The following KLF11 variants were observed in gnomAD, a reference collection of about 807,000 sequenced individuals.
KLF11 encodes the protein Krueppel-like factor 11.
A neutral mutation model predicts 29.9 loss-of-function variants in KLF11; 26 were observed. The observed-to-expected ratio is 0.87, with a 90% CI of 0.64 to 1.21. KLF11 has a LOEUF of 1.21. Among genes scored for constraint, KLF11 ranks in the 50% most tolerant of loss-of-function variants. KLF11 has a pLI of 0.00. For missense variants in KLF11, 778 were observed against 665.7 expected (o/e 1.17, Z -1.86); for synonymous variants, 318 against 257.4 (o/e 1.24, Z -2.25).
At chr2:10,045,823 C>T (rs1242077987) in intron 1 of KLF11, among the ~76,000 whole-genome samples, 3 of 152,258 alleles carry the variant, frequency 2.0e-5, no homozygotes, top group Non-Finnish European at 4.4e-5. Context: ...CTCCTCCCAG[C>T]CACTTTTTGG....
At position 10,054,607 on chromosome 2, in the gene KLF11, G is replaced by C. The variant is rs1052342862; in HGVS notation, c.*2100G>C. Reference sequence around the variant, plus strand: ...TGGATTCGGCATGGAGCCCTCAGCTGGCGGCTCTGGGTGCTGACGGCCGCT... The same window carrying C: ...TGGATTCGGCATGGAGCCCTCAGCTCGCGGCTCTGGGTGCTGACGGCCGCT... On this transcript the variant is annotated 3_prime_UTR_variant, in exon 4 of 4. Coordinates refer to ENST00000305883, the MANE Select transcript of KLF11 (RefSeq NM_003597.5). 6.5e-6 allele frequency: 1 copy of C among 152,688 alleles called. No individual in the cohort carries two copies. Among genetic ancestry groups the C allele is most frequent in the Admixed American group, 6.5e-5 (1 of 15,284 alleles). The allele number at this position is 152,688 out of a possible 1,614,324, so 9.5% of individuals were successfully genotyped here. A position where few individuals can be genotyped will look rare whatever the true frequency, so the allele number is the denominator to read the frequency against.
In KLF11 at chr2:10,046,358, C is replaced by A. The variant is rs753330425; in HGVS notation, c.251C>A (p.Thr84Asn). 1 of 1,614,190 alleles carries A rather than the reference C, an allele frequency of 6.2e-7. No individual in the cohort carries two copies. Among genetic ancestry groups the A allele is most frequent in the Non-Finnish European group, 8.5e-7 (1 of 1,180,036 alleles). Residue 84 changes from threonine to asparagine, a missense_variant, in exon 2 of 4, where the codon ACT becomes AAT. Coordinates refer to ENST00000305883, the MANE Select transcript of KLF11 (RefSeq NM_003597.5). ...TCTGACTCTGGGGATGTCACCACCA[C>A]TGTGCATATGGATGCAGCCACACCT... ...PVSDSGDVTT[T>N]VHMDAATPEL...
chr2:10,043,752 G>A lies in KLF11; in HGVS notation c.36G>A (p.Ala12=). The change falls in exon 1 of 4, where the codon GCG becomes GCA. Residue 12 remains alanine, a synonymous_variant. Transcript: ENST00000305883. ...HTPDFAGPDD[A]RAVDIMDICE... ...CGGACTTCGCAGGCCCAGACGACGC[G>A]CGCGCAGTGAGTGGTGGGGCTGCCG... 7.2e-7 allele frequency: 1 copy of A among 1,381,010 alleles called. No individual in the cohort carries two copies. Among genetic ancestry groups the A allele is most frequent in the Non-Finnish European group, 9.5e-7 (1 of 1,051,632 alleles). 85.5% of individuals were successfully genotyped at this position (1,381,010 alleles called of 1,614,324 possible). A position where few individuals can be genotyped will look rare whatever the true frequency, so the allele number is the denominator to read the frequency against.
At chr2:10,044,440 C>T in intron 1 of KLF11, 4 of 985,528 alleles carry the variant, frequency 4.1e-6, no homozygotes, top group African/African-American at 1.7e-5. Flanking sequence ...CGAGCCCCTT[C>T]CCGCCCGTGT....
Position 10,048,267 on chromosome 2 carries a change from TGTGGGG to T in KLF11, c.931_936del (p.Val311_Gly312del). 1 of 1,608,092 alleles carries T rather than the reference TGTGGGG, an allele frequency of 6.2e-7. No homozygotes were observed. The highest frequency in any genetic ancestry group is 8.5e-7 in the Non-Finnish European group (1 of 1,176,312). ...TTTTGAAGCCCCCTCCCCAGTTGTC[TGTGGGG>T]ACTGTGAGACCCATCCTAGCTCAGG... On this transcript the variant is annotated inframe_deletion, in exon 3 of 4. Transcript: ENST00000305883.
rs761757997 is a variant in KLF11, at chr2:10,052,475, A to G, written c.1507A>G (p.Ser503Gly). 36 of 1,613,922 alleles carry G rather than the reference A, an allele frequency of 2.2e-5. 1 individual carries two copies. In the South Asian group the frequency reaches 3.8e-4, roughly 17 times the overall value. ...NRIASAESPG[S>G]PLVSMPASA The stretch of plus-strand genomic sequence containing the variant: ...AATCGCCTCTGCAGAGAGCCCGGGG[A>G]GCCCACTGGTGAGCATGCCAGCCTC... The change falls in exon 4 of 4, where the codon AGC becomes GGC. Residue 503 changes from serine to glycine, a missense_variant. Physicochemically the swap from Ser to Gly is moderately conservative, Grantham distance 56 (BLOSUM62 0). Coordinates refer to ENST00000305883, the MANE Select transcript of KLF11 (RefSeq NM_003597.5).
Position 10,053,767 on chromosome 2 carries a change from C to A in KLF11, c.*1260C>A, listed in dbSNP as rs145555745. The A allele has an allele frequency of 5.1e-6, 1 of 195,010 alleles. No individual in the cohort carries two copies. The highest frequency in any genetic ancestry group is 1.1e-4 in the East Asian group (1 of 8,778). 12.1% of individuals were successfully genotyped at this position (195,010 alleles called of 1,614,324 possible). A position where few individuals can be genotyped will look rare whatever the true frequency, so the allele number is the denominator to read the frequency against. ...TTCAACTGTATGAGCACGTAGATAACCGAGAGAATGTGGCCACCTGTGTTC... is the reference window on the plus strand; with the variant it reads ...TTCAACTGTATGAGCACGTAGATAAACGAGAGAATGTGGCCACCTGTGTTC... On this transcript the variant is annotated 3_prime_UTR_variant, in exon 4 of 4. Transcript: ENST00000305883.
chr2:10,045,139 CTG>C (rs1661150313), intron 1 of KLF11, among the ~76,000 whole-genome samples: 1 of 151,352 alleles, frequency 6.6e-6, no homozygotes, highest in Non-Finnish European at 1.5e-5. Flanking sequence ...GAGCAAGACT[CTG>C]TCTCAAAAAA....
In KLF11 at chr2:10,048,416, C is replaced by T. The variant is rs1275390556; in HGVS notation, c.1079C>T (p.Ala360Val). Residue 360 changes from alanine to valine, a missense_variant, in exon 3 of 4, where the codon GCT becomes GTT. Physicochemically the swap from Ala to Val is moderately conservative, Grantham distance 64 (BLOSUM62 0). Transcript: ENST00000305883. ...GCCCCCTGTGCAGCCAATGTCATGG[C>T]TGCCGGGAATACCAAGTTGTTGCCC... ...PPAPCAANVM[A>V]AGNTKLLPLA... is the part of the protein sequence containing the mutation. 4.3e-6 allele frequency: 7 copies of T among 1,614,012 alleles called. No individual in the cohort carries two copies. Among genetic ancestry groups the T allele is most frequent in the Non-Finnish European group, 5.9e-6 (7 of 1,180,004 alleles).
At chr2:10,043,866 G>C (rs1661075021) in intron 1 of KLF11, 108 bp downstream of exon 1, 3 of 1,129,406 alleles carry the variant, frequency 2.7e-6, no homozygotes, top group Non-Finnish European at 2.2e-6. Context: ...GGGGCGTGCA[G>C]GGCTTCGCTG....
chr2:10,052,084 C>T, intron 3 of KLF11, 143 bp from the exon 4 acceptor site: 1 of 876,720 alleles, frequency 1.1e-6, no homozygotes, highest in South Asian at 1.4e-5. Context: ...GATTTCTTGA[C>T]CCAAATCATC....
At chr2:10,046,939 C>T (rs897452612) in intron 2 of KLF11, among the ~76,000 whole-genome samples, 22 of 152,170 alleles carry the variant, frequency 1.4e-4, no homozygotes, top group Non-Finnish European at 2.1e-4. Context: ...TCATACCTTG[C>T]TAGCTACGTG....
At position 10,052,838 on chromosome 2, in the gene KLF11, T is replaced by A. The variant is rs549932454; in HGVS notation, c.*331T>A. On this transcript the variant is annotated 3_prime_UTR_variant, in exon 4 of 4. Transcript: ENST00000305883. ...GGATTTTTACAACCTTTTCTATTGA[T>A]GTTTTGTAGAAATAAGACAGGGTAC... 110 of 377,710 alleles carry A rather than the reference T, an allele frequency of 2.9e-4. No individual in the cohort carries two copies. In the South Asian group the frequency reaches 5.1e-3, roughly 17 times the overall value. The allele number at this position is 377,710 out of a possible 1,614,324, so 23.4% of individuals were successfully genotyped here. A position where few individuals can be genotyped will look rare whatever the true frequency, so the allele number is the denominator to read the frequency against.
In KLF11 at chr2:10,053,278, T is replaced by C; in HGVS notation, c.*771T>C. The C allele has an allele frequency of 2.5e-6, 1 of 398,700 alleles. No homozygotes were observed. Among genetic ancestry groups the C allele is most frequent in the Non-Finnish European group, 4.4e-6 (1 of 226,108 alleles). 24.7% of individuals were successfully genotyped at this position (398,700 alleles called of 1,614,324 possible). A position where few individuals can be genotyped will look rare whatever the true frequency, so the allele number is the denominator to read the frequency against. ...CTGGGCAGATCCCAGGGACCAGTAC[T>C]TGCTGCAGGATCTAGTCTGTAATAG... On this transcript the variant is annotated 3_prime_UTR_variant, in exon 4 of 4. Transcript: ENST00000305883.
Position 10,048,259 on chromosome 2 carries a change from C to T in KLF11, c.922C>T (p.Gln308Ter), listed in dbSNP as rs1217032830. ...ACCAGCTTTTTTGAAGCCCCCTCCC[C>T]AGTTGTCTGTGGGGACTGTGAGACC... ...MLPAFLKPPPQLSVGTVRPIL... is the reference protein window; with the variant it reads ...MLPAFLKPPP Residue 308 changes from glutamine to a stop codon, truncating the protein, a stop_gained, in exon 3 of 4, where the codon CAG becomes TAG. Transcript: ENST00000305883. LOFTEE classifies it high-confidence loss of function. 6.2e-7 allele frequency: 1 copy of T among 1,610,484 alleles called. No homozygotes were observed. Among genetic ancestry groups the T allele is most frequent in the African/African-American group, 1.3e-5 (1 of 74,996 alleles).
rs1661298030 is a variant in KLF11, at chr2:10,048,393, C to T, written c.1056C>T (p.Ala352=). The T allele has an allele frequency of 3.1e-6, 5 of 1,613,748 alleles. No individual in the cohort carries two copies. Among genetic ancestry groups the T allele is most frequent in the Non-Finnish European group, 1.7e-6 (2 of 1,179,648 alleles). ...VLPQGALPPP[A]PCAANVMAAG... ...CCCAGGGAGCCCTCCCTCCGCCTGC[C>T]CCCTGTGCAGCCAATGTCATGGCTG... The change falls in exon 3 of 4, where the codon GCC becomes GCT. Residue 352 remains alanine (A), a synonymous_variant. Coordinates refer to ENST00000305883, the MANE Select transcript of KLF11 (RefSeq NM_003597.5).
intron 1 of KLF11, chr2:10,044,493 G>T (rs1007055280): frequency 2.1e-6 from 2 of 953,254 alleles, no homozygotes; most frequent in Non-Finnish European, 2.5e-6. Context: ...ATCACAGGGG[G>T]TTTAGTGGCG....
At chr2:10,044,682 A>C (rs986889673) in intron 1 of KLF11, among the ~76,000 whole-genome samples, 6 of 142,590 alleles carry the variant, frequency 4.2e-5, no homozygotes, top group Non-Finnish European at 9.0e-5. Context: ...GTCTCGCTCT[A>C]TCGCCCAGGC....
chr2:10,046,918 C>T (rs558877889), intron 2 of KLF11, among the ~76,000 whole-genome samples: 1 of 152,298 alleles, frequency 6.6e-6, no homozygotes, highest in African/African-American at 2.4e-5. Context: ...TGTGCTCTTT[C>T]TATGGATGGA....
Sources: gnomAD v4.1 joint callset for allele counts (sites outside exome capture counted in the v4.1 genomes callset) on GRCh38, gnomAD v4.1.1 for gene constraint, MANE v1.5 for transcripts, NCBI Gene and HGNC (gene_info 2026-07-23, HGNC 2026-07-21) for gene names.